Variants in TMEM178B observed in about 807,000 individuals in gnomAD.
The protein encoded by TMEM178B is transmembrane protein 178B.
Under a neutral mutation model 31.0 loss-of-function variants are expected in TMEM178B, and 5 were observed. The observed-to-expected ratio is 0.16, with a 90% CI of 0.08 to 0.34. The LOEUF (loss-of-function observed/expected upper bound fraction) is 0.34, where lower values mean the gene tolerates loss of function less well. Ranked by LOEUF, TMEM178B falls within the 10% of genes least tolerant of loss-of-function variation. The probability of loss-of-function intolerance (pLI) is 1.00; values close to 1 mark genes in which losing one functional copy is unlikely to be tolerated. For missense variants in TMEM178B, 275 were observed against 400.3 expected, an observed-to-expected ratio of 0.69 and a Z score of 2.67; for synonymous variants, 164 against 164.0, an observed-to-expected ratio of 1.00 and a Z score of 0.00.
At chr7:141,391,390 T>G (rs60582203) in intron 2 of TMEM178B, among the ~76,000 whole-genome samples, 12,051 of 152,140 alleles carry the variant, frequency 0.079, 563 homozygotes, top group South Asian at 0.11. Context: ...AGTCTCAATC[T>G]CCTGATCTCA....
Position 141,475,318 on chromosome 7 carries a change from C to T in TMEM178B, c.*4532C>T, listed in dbSNP as rs1802343350. ...CTCTCAATGTCTGGGGCTGTGTTTG[C>T]CCTCTTTTCATTGATGCTGCCATGA... On this transcript the variant is annotated 3_prime_UTR_variant, in exon 4 of 4. Transcript: ENST00000565468. 1 of 152,258 alleles carries T rather than the reference C, an allele frequency of 6.6e-6. No individual in the cohort carries two copies. Among genetic ancestry groups the T allele is most frequent in the South Asian group, 2.1e-4 (1 of 4,812 alleles). 9.4% of individuals were successfully genotyped at this position (152,258 alleles called of 1,614,324 possible).
intron 2 of TMEM178B, among the ~76,000 whole-genome samples, chr7:141,389,027 C>T (rs1042725573): frequency 3.3e-5 from 5 of 152,112 alleles, no homozygotes; most frequent in Admixed American, 2.0e-4. Flanking sequence ...AAAGTCCAAC[C>T]GAGTCTAGTA....
chr7:141,179,212 A>G (rs1796479564), intron 1 of TMEM178B, among the ~76,000 whole-genome samples: 1 of 152,216 alleles, frequency 6.6e-6, no homozygotes, highest in Non-Finnish European at 1.5e-5. Context: ...TTTGGAGGAA[A>G]ATGCCCTCCT....
intron 1 of TMEM178B, among the ~76,000 whole-genome samples, chr7:141,207,343 A>AT (rs1311289709): frequency 2.6e-5 from 4 of 152,114 alleles, no homozygotes; most frequent in Non-Finnish European, 5.9e-5. Context: ...ATCATTCGTA[A>AT]TTTTTTGAGG....
the TMEM178B span, among the ~76,000 whole-genome samples, chr7:141,508,007 C>T: frequency 6.6e-6 from 1 of 152,172 alleles, no homozygotes; most frequent in Non-Finnish European, 1.5e-5. Context: ...TTTCTGCAGC[C>T]CGCTTGAATT....
At chr7:141,224,824 A>T (rs1391535064) in intron 2 of TMEM178B, among the ~76,000 whole-genome samples, 1 of 152,174 alleles carries the variant, frequency 6.6e-6, no homozygotes, top group East Asian at 1.9e-4. Context: ...CTCGTCCTAG[A>T]GCGACCCTTC....
intron 1 of TMEM178B, among the ~76,000 whole-genome samples, chr7:141,100,028 C>A (rs1165425214): frequency 6.6e-6 from 1 of 152,016 alleles, no homozygotes; most frequent in Admixed American, 6.6e-5. Context: ...ACCATGTTAG[C>A]CAGGATGGTC....
At chr7:141,396,640 G>T (rs144484206) in intron 2 of TMEM178B, among the ~76,000 whole-genome samples, 210 of 152,348 alleles carry the variant, frequency 1.4e-3, no homozygotes, top group African/African-American at 4.9e-3. Flanking sequence ...TCTGTTCACA[G>T]GCTAGAGGCT....
At chr7:141,403,163 C>G (rs2116622693) in intron 2 of TMEM178B, among the ~76,000 whole-genome samples, 1 of 152,286 alleles carries the variant, frequency 6.6e-6, no homozygotes, top group South Asian at 2.1e-4. Context: ...TCACCCCTGG[C>G]CTTCCTACAG....
chr7:141,460,315 G>T (rs529924352), intron 3 of TMEM178B, among the ~76,000 whole-genome samples: 1 of 152,164 alleles, frequency 6.6e-6, no homozygotes, highest in Non-Finnish European at 1.5e-5. Context: ...GTCCCTCTGC[G>T]TGTGCACGCA....
chr7:141,199,641 C>T (rs1796843431), intron 1 of TMEM178B, among the ~76,000 whole-genome samples: 2 of 152,148 alleles, frequency 1.3e-5, no homozygotes, highest in African/African-American at 4.8e-5. Context: ...GGCTGGAGTG[C>T]CATGGTGCCA....
intron 1 of TMEM178B, among the ~76,000 whole-genome samples, chr7:141,207,873 A>T (rs1270568555): frequency 6.6e-6 from 1 of 152,132 alleles, no homozygotes; most frequent in Non-Finnish European, 1.5e-5. Context: ...CCTGAGCAAC[A>T]TAGTGAGACC....
intron 2 of TMEM178B, among the ~76,000 whole-genome samples, chr7:141,381,939 A>G (rs969481086): frequency 5.3e-5 from 8 of 152,196 alleles, no homozygotes; most frequent in Non-Finnish European, 1.0e-4. Flanking sequence ...TCTGAGCTCC[A>G]GGATCAGATA....
intron 2 of TMEM178B, among the ~76,000 whole-genome samples, chr7:141,245,861 T>C (rs1426470691): frequency 6.6e-6 from 1 of 152,196 alleles, no homozygotes; most frequent in Non-Finnish European, 1.5e-5. Context: ...GTGATAGAAA[T>C]GTTATTGTGT....
chr7:141,427,816 A>C (rs1362030439), intron 2 of TMEM178B, among the ~76,000 whole-genome samples: 2 of 152,260 alleles, frequency 1.3e-5, no homozygotes, highest in African/African-American at 4.8e-5. Context: ...ACAAGGGATT[A>C]ATATCCAAAA....
chr7:141,113,810 A>C (rs970521120), intron 1 of TMEM178B, among the ~76,000 whole-genome samples: 1 of 152,156 alleles, frequency 6.6e-6, no homozygotes, highest in African/African-American at 2.4e-5. Context: ...TGAGGACAAC[A>C]TTTTATTTGG....
chr7:141,389,766 G>C (rs1800500817), intron 2 of TMEM178B, among the ~76,000 whole-genome samples: 1 of 152,130 alleles, frequency 6.6e-6, no homozygotes, highest in Non-Finnish European at 1.5e-5. Flanking sequence ...TGGAGTCTAT[G>C]GTTTTTACAA....
intron 2 of TMEM178B, among the ~76,000 whole-genome samples, chr7:141,242,322 A>G (rs991290301): frequency 3.3e-5 from 5 of 152,202 alleles, no homozygotes; most frequent in East Asian, 1.9e-4. Flanking sequence ...TCTCAATCCC[A>G]GTAGCCACAT....
intron 2 of TMEM178B, among the ~76,000 whole-genome samples, chr7:141,431,790 C>G (rs187209609): frequency 6.6e-6 from 1 of 152,212 alleles, no homozygotes; most frequent in Admixed American, 6.5e-5. Flanking sequence ...GAAAGAAATA[C>G]AAGCTATATA....
Sources: gnomAD v4.1 joint callset for allele counts (sites outside exome capture counted in the v4.1 genomes callset) on GRCh38, gnomAD v4.1.1 for gene constraint, MANE v1.5 for transcripts, NCBI Gene and HGNC (gene_info 2026-07-23, HGNC 2026-07-21) for gene names.